DYM: variants seen among roughly 807,000 people sequenced by gnomAD.
DYM encodes the protein dyggve-Melchior-Clausen syndrome protein.
Under a neutral mutation model 93.1 loss-of-function variants are expected in DYM, and 78 were observed. The observed-to-expected ratio is 0.84, with a 90% CI of 0.70 to 1.01. The LOEUF is 1.01. Ranked by LOEUF, DYM falls within the 50% of genes least tolerant of loss-of-function variation. DYM has a pLI of 0.00. For missense variants in DYM, 789 were observed against 845.0 expected, an observed-to-expected ratio of 0.93 and a Z score of 0.82; for synonymous variants, 321 against 319.7, an observed-to-expected ratio of 1.00 and a Z score of -0.04.
chr18:49,085,436 G>T (rs1401846473), intron 17 of DYM, among the ~76,000 whole-genome samples: 6 of 151,998 alleles, frequency 3.9e-5, no homozygotes, highest in Admixed American at 6.6e-5. Flanking sequence ...TAAAAATAGT[G>T]GATATTCTTC....
intron 2 of DYM, among the ~76,000 whole-genome samples, chr18:49,396,734 T>C (rs1336435566): frequency 6.6e-6 from 1 of 152,216 alleles, no homozygotes; most frequent in Non-Finnish European, 1.5e-5. Flanking sequence ...TGGAATACTA[T>C]TCAGGCATAA....
chr18:49,323,111 G>T (rs76616694), intron 8 of DYM, among the ~76,000 whole-genome samples: 2,096 of 152,172 alleles, frequency 0.014, 98 homozygotes, highest in East Asian at 0.093. Context: ...AGAATAACGT[G>T]TTTCAATCAC....
In DYM at chr18:49,144,306, T is replaced by TG. The variant is rs2084845402; in HGVS notation, c.1728+19378dup. ...TTAGAGGCTTGGTCTGATTAGTTTTTGGGTTTTTTTTTTGCAAGACTACTT... is the reference window on the plus strand; with the variant it reads ...TTAGAGGCTTGGTCTGATTAGTTTTTGGGGTTTTTTTTTTGCAAGACTACTT... On this transcript the variant is annotated intron_variant, in intron 15 of 17. Coordinates refer to ENST00000675505, the MANE Select transcript of DYM (RefSeq NM_001353214.3). Among the ~76,000 whole-genome samples, 3 of 147,224 alleles carry TG rather than the reference T, an allele frequency of 2.0e-5. No individual in the cohort carries two copies. In the South Asian group the frequency reaches 6.3e-4, roughly 31 times the overall value.
At position 49,077,579 on chromosome 18, in the gene DYM, T is replaced by C. The variant is rs1271559448; in HGVS notation, c.2025+19823A>G. Among the ~76,000 whole-genome samples the C allele has an allele frequency of 2.6e-5, 4 of 152,236 alleles. No individual in the cohort carries two copies. The East Asian group carries it at 7.7e-4, about 29-fold the overall frequency. On this transcript the variant is annotated intron_variant, in intron 17 of 17. Coordinates refer to ENST00000675505, the MANE Select transcript of DYM (RefSeq NM_001353214.3). ...CTGGTCTAGACGTTCTACCAGTTGC[T>C]GAGGGAGGGTTAAGTCTCCAACACA...
At chr18:49,287,405 G>A (rs142936792) in intron 8 of DYM, among the ~76,000 whole-genome samples, 1 of 151,012 alleles carries the variant, frequency 6.6e-6, no homozygotes, top group East Asian at 1.9e-4. Context: ...AACTAGAAAG[G>A]GAAGGAAACC....
chr18:49,049,787 A>C (rs867166052), intron 17 of DYM: 1 of 154,462 alleles, frequency 6.5e-6, no homozygotes, highest in Non-Finnish European at 1.5e-5. Context: ...TTTCTCTTAC[A>C]AGCCCATTTC....
chr18:49,296,644 C>T (rs573159463), intron 8 of DYM, among the ~76,000 whole-genome samples: 1 of 152,190 alleles, frequency 6.6e-6, no homozygotes, highest in South Asian at 2.1e-4. Flanking sequence ...TAGAACTGAC[C>T]ATTGGTTGAT....
chr18:49,118,665 T>C (rs1310160299), intron 16 of DYM, 79 bp downstream of exon 16: 2 of 1,327,872 alleles, frequency 1.5e-6, no homozygotes, highest in South Asian at 1.2e-5. Flanking sequence ...ACTATTATAG[T>C]TCTTACCAAG....
intron 12 of DYM, 127 bp from the exon 13 acceptor site, chr18:49,257,231 C>G (rs554493769): frequency 6.2e-5 from 46 of 740,950 alleles, no homozygotes; most frequent in South Asian, 6.0e-4. Context: ...GATCCACTAT[C>G]TCTTTTTTCT....
rs80324473 is a variant in DYM, at chr18:49,155,878, G to A, written c.1728+7807C>T. ...GCAAATAATGGTTCTATGAACATGT[G>A]CATTTTCAGGTAGACATATGTTTTC... On this transcript the variant is annotated intron_variant, in intron 15 of 17. Transcript: ENST00000675505. Among the ~76,000 whole-genome samples, 1,478 of 152,168 alleles carry A rather than the reference G, an allele frequency of 9.7e-3. 49 individuals are homozygous for A. Among genetic ancestry groups the A allele is most frequent in the Admixed American group, 0.072 (1,103 of 15,286 alleles).
intron 17 of DYM, among the ~76,000 whole-genome samples, chr18:49,052,464 G>A (rs1255845757): frequency 1.3e-5 from 2 of 152,250 alleles, no homozygotes; most frequent in East Asian, 3.8e-4. Flanking sequence ...GACACATTTT[G>A]TCAGGACTGA....
chr18:49,175,024 G>T (rs1232333087), intron 14 of DYM, among the ~76,000 whole-genome samples: 2 of 152,078 alleles, frequency 1.3e-5, no homozygotes, highest in Non-Finnish European at 2.9e-5. Context: ...AATAGAAATA[G>T]TAACTTCCCA....
chr18:49,134,793 G>C (rs1038918055), intron 15 of DYM, among the ~76,000 whole-genome samples: 1 of 152,106 alleles, frequency 6.6e-6, no homozygotes, highest in African/African-American at 2.4e-5. Context: ...GTCTAGTTTT[G>C]TACGGCAGAA....
intron 13 of DYM, among the ~76,000 whole-genome samples, chr18:49,220,201 C>T (rs1402377871): frequency 2.6e-5 from 4 of 152,052 alleles, no homozygotes; most frequent in Admixed American, 6.5e-5. Context: ...TTACAAGGGA[C>T]ATGAAGGACC....
chr18:49,281,644 T>C (rs1022345190), intron 10 of DYM, among the ~76,000 whole-genome samples: 3 of 152,170 alleles, frequency 2.0e-5, no homozygotes, highest in Non-Finnish European at 4.4e-5. Flanking sequence ...TGGGTTCGTG[T>C]CCTTTGTAGG....
In DYM at chr18:49,257,031, T is replaced by C. The variant is rs1598938321; in HGVS notation, c.1439A>G (p.Tyr480Cys). 2 of 1,613,828 alleles carry C rather than the reference T, an allele frequency of 1.2e-6. No individual in the cohort carries two copies. The highest frequency in any genetic ancestry group is 1.7e-6 in the Non-Finnish European group (2 of 1,179,740). Reference protein sequence around the residue: ...MSAQFRSLHQYAAQRIISYTC... With the variant: ...MSAQFRSLHQCAAQRIISYTC... ...TTACCTGATGATCCTCTGGGCAGCA[T>C]ACTGATGGAGAGAACGAAACTGTGC... Residue 480 changes from tyrosine to cysteine, a missense_variant, in exon 13 of 18, where the codon TAT (tyrosine) becomes TGT (cysteine). Transcript: ENST00000675505.
intron 8 of DYM, among the ~76,000 whole-genome samples, chr18:49,317,578 TCTCTCTCTCTCTCTCTCTCCCCCCTC>T (rs2062038754): frequency 1.7e-4 from 2 of 11,688 alleles, no homozygotes; most frequent in South Asian, 0.022. Context: ...TCTCTCTCTC[TCTCTCTCTCTCTCTCTCTCCCCCCTC>T]CCCCCTCCCT....
chr18:49,163,842 C>A, intron 14 of DYM, 55 bp from the exon 15 acceptor site: 1 of 1,165,994 alleles, frequency 8.6e-7, no homozygotes, highest in South Asian at 1.3e-5. Context: ...TCTTTTCTGT[C>A]TTCTGTGGAA....
At chr18:49,216,884 A>G (rs1048195637) in intron 13 of DYM, among the ~76,000 whole-genome samples, 2 of 152,254 alleles carry the variant, frequency 1.3e-5, no homozygotes, top group South Asian at 2.1e-4. Flanking sequence ...CTCACCAGCA[A>G]TGGAACAAAG....
Sources: gnomAD v4.1 joint callset for allele counts (sites outside exome capture counted in the v4.1 genomes callset) on GRCh38, gnomAD v4.1.1 for gene constraint, MANE v1.5 for transcripts, NCBI Gene and HGNC (gene_info 2026-07-23, HGNC 2026-07-21) for gene names.